The following USP14 variants were observed in gnomAD, a reference collection of about 807,000 sequenced individuals.
USP14 encodes the protein ubiquitin carboxyl-terminal hydrolase 14.
In USP14, 38 loss-of-function variants were observed where a neutral mutation model predicts 76.5. The observed-to-expected ratio is 0.50, with a 90% CI of 0.38 to 0.65. USP14 has a LOEUF of 0.65. Among genes scored for constraint, USP14 ranks in the 30% least tolerant of loss-of-function variants. USP14 has a pLI of 0.00. For missense variants in USP14, 467 were observed against 586.5 expected, an observed-to-expected ratio of 0.80 and a Z score of 2.10; for synonymous variants, 192 against 191.7, an observed-to-expected ratio of 1.00 and a Z score of -0.01.
rs1368241586 is a variant in USP14 at position 198,138 on chromosome 18, C to G, written c.761+6C>G. On this transcript the variant is annotated splice_donor_region_variant and intron_variant, in intron 9 of 15. Coordinates refer to ENST00000261601, the MANE Select transcript of USP14 (RefSeq NM_005151.4). ...GGTGTTGAGTTTGAAACTACGTATCCTTATGAGCCAAGATATAGACTATAC... is the reference window on the plus strand; with the variant it reads ...GGTGTTGAGTTTGAAACTACGTATCGTTATGAGCCAAGATATAGACTATAC... The G allele has an allele frequency of 6.2e-7, 1 of 1,600,070 alleles. No homozygotes were observed. The highest frequency in any genetic ancestry group is 1.1e-5 in the South Asian group (1 of 88,642).
At chr18:181,079 T>G (rs1014976985) in intron 5 of USP14, among the ~76,000 whole-genome samples, 2 of 152,238 alleles carry the variant, frequency 1.3e-5, no homozygotes, top group African/African-American at 4.8e-5. Flanking sequence ...TAACACCTCA[T>G]TCCTATTTTA....
At position 166,802 on chromosome 18, in the gene USP14, A is replaced by G; in HGVS notation, c.178A>G (p.Asn60Asp). 2 of 1,612,490 alleles carry G rather than the reference A, an allele frequency of 1.2e-6. No homozygotes were observed. The highest frequency in any genetic ancestry group is 2.2e-5 in the South Asian group (2 of 90,980). ...TTTGAAACAGGATGATGATTGGGGA[A>G]ACATCAAAATAAAAAATGTAAGTAT... ...GGTLKDDDWG[N>D]IKIKNGMTLL... The change falls in exon 3 of 16, where the codon AAC (asparagine) becomes GAC (aspartate). Residue 60 changes from asparagine to aspartate, a missense_variant. Coordinates refer to ENST00000261601, the MANE Select transcript of USP14 (RefSeq NM_005151.4).
chr18:193,592 C>T (rs1416570197), intron 6 of USP14, among the ~76,000 whole-genome samples: 1 of 152,124 alleles, frequency 6.6e-6, no homozygotes, highest in African/African-American at 2.4e-5. Flanking sequence ...TAGCAGTCAC[C>T]TCCTTTCCCA....
Position 212,968 on chromosome 18 carries a change from C to T in USP14, c.*1684C>T, listed in dbSNP as rs963226558. 4.6e-5 allele frequency: 7 copies of T among 152,290 alleles called. No homozygotes were observed. The highest frequency in any genetic ancestry group is 1.7e-4 in the African/African-American group (7 of 41,568). The allele number at this position is 152,290 out of a possible 1,614,324, so 9.4% of individuals were successfully genotyped here. ...AATCTGATGTGATGCAATCTGTGAA[C>T]ACTAGGAGGGGATAAAATAAGCATT... On this transcript the variant is annotated 3_prime_UTR_variant, in exon 16 of 16. Transcript: ENST00000261601.
chr18:189,703 G>A (rs941007120), intron 5 of USP14, among the ~76,000 whole-genome samples: 2 of 152,046 alleles, frequency 1.3e-5, no homozygotes, highest in Admixed American at 6.6e-5. Flanking sequence ...GGATGGTCTC[G>A]ATCTCTTGAC....
chr18:188,656 C>G (rs1910001263), intron 5 of USP14, among the ~76,000 whole-genome samples: 1 of 151,418 alleles, frequency 6.6e-6, no homozygotes, highest in Admixed American at 6.6e-5. Context: ...TGTCTGCACT[C>G]AGCTTTTTTG....
At chr18:191,554 T>C (rs1435056407) in intron 5 of USP14, among the ~76,000 whole-genome samples, 1 of 152,208 alleles carries the variant, frequency 6.6e-6, no homozygotes, top group African/African-American at 2.4e-5. Flanking sequence ...AGAAAATTTC[T>C]TGGGCATGCC....
intron 5 of USP14, 36 bp from the exon 6 acceptor site, chr18:192,806 G>T: frequency 3.1e-6 from 5 of 1,603,434 alleles, no homozygotes; most frequent in Non-Finnish European, 4.3e-6. Flanking sequence ...AGAATGAATT[G>T]AATTCTATTG....
In USP14 at chr18:173,741, A is replaced by C. The variant is rs144436115; in HGVS notation, c.196-5192A>C. Among the ~76,000 whole-genome samples, 550 of 152,234 alleles carry C rather than the reference A, an allele frequency of 3.6e-3. 1 individual carries two copies. Among genetic ancestry groups the C allele is most frequent in the African/African-American group, 0.012 (510 of 41,534 alleles). On this transcript the variant is annotated intron_variant, in intron 3 of 15. Coordinates refer to ENST00000261601, the MANE Select transcript of USP14 (RefSeq NM_005151.4). ...CCCGGTCTATTATCTGTTTTGAGTAAATTCTTGTGTTTGCTGTTAAGCAAT... is the reference window on the plus strand; with the variant it reads ...CCCGGTCTATTATCTGTTTTGAGTACATTCTTGTGTTTGCTGTTAAGCAAT...
chr18:195,073 C>T (rs1910194120), intron 6 of USP14, among the ~76,000 whole-genome samples: 2 of 151,552 alleles, frequency 1.3e-5, no homozygotes, highest in African/African-American at 4.9e-5. Flanking sequence ...GTTTAAGATC[C>T]CACATTGCAT....
intron 3 of USP14, 76 bp downstream of exon 3, chr18:166,895 T>C: frequency 7.3e-7 from 1 of 1,368,220 alleles, no homozygotes; most frequent in Non-Finnish European, 1.0e-6. Flanking sequence ...CAGATGACTT[T>C]TTTTCATGTG....
intron 2 of USP14, among the ~76,000 whole-genome samples, chr18:164,956 A>AT (rs1309103925): frequency 6.6e-6 from 1 of 151,412 alleles, no homozygotes. Context: ...TATTATTATT[A>AT]TTTTTTTTGG....
intron 3 of USP14, among the ~76,000 whole-genome samples, chr18:169,155 C>A (rs1159959297): frequency 6.6e-6 from 1 of 150,998 alleles, no homozygotes; most frequent in African/African-American, 2.4e-5. Flanking sequence ...CTTTGGGAGG[C>A]CAAGGATGGT....
chr18:169,009 A>G (rs797000789), intron 3 of USP14, among the ~76,000 whole-genome samples: 6 of 152,116 alleles, frequency 3.9e-5, no homozygotes, highest in East Asian at 1.9e-4. Context: ...CCTGGGAGGC[A>G]GAGGTTGCAG....
chr18:195,078 T>A (rs1372551807), intron 6 of USP14, among the ~76,000 whole-genome samples: 2 of 152,060 alleles, frequency 1.3e-5, no homozygotes, highest in Non-Finnish European at 2.9e-5. Flanking sequence ...AGATCCCACA[T>A]TGCATTTAGT....
chr18:167,440 T>G (rs1909304489), intron 3 of USP14, among the ~76,000 whole-genome samples: 1 of 152,194 alleles, frequency 6.6e-6, no homozygotes. Flanking sequence ...TATGATGTAC[T>G]TCCTTATTTA....
intron 5 of USP14, among the ~76,000 whole-genome samples, chr18:188,507 C>CTTTT (rs1157960535): frequency 8.2e-6 from 1 of 122,484 alleles, no homozygotes; most frequent in Non-Finnish European, 1.7e-5. Context: ...CTCCCTCTGG[C>CTTTT]TTTTTTTTTT....
At chr18:204,787 C>T (rs898199003) in intron 13 of USP14, 95 bp downstream of exon 13, 19 of 1,427,154 alleles carry the variant, frequency 1.3e-5, no homozygotes, top group Non-Finnish European at 1.7e-5. Flanking sequence ...TTCATTTTTC[C>T]TTCAGAACTA....
intron 5 of USP14, among the ~76,000 whole-genome samples, chr18:188,257 G>GTT (rs1909987701): frequency 6.6e-6 from 1 of 151,998 alleles, no homozygotes; most frequent in Admixed American, 6.5e-5. Context: ...TTTACTGGAG[G>GTT]TTTTTTAAAA....
Sources: gnomAD v4.1 joint callset for allele counts (sites outside exome capture counted in the v4.1 genomes callset) on GRCh38, gnomAD v4.1.1 for gene constraint, MANE v1.5 for transcripts, NCBI Gene and HGNC (gene_info 2026-07-23, HGNC 2026-07-21) for gene names.